The following PIGF variants were observed in gnomAD, a reference collection of about 807,000 sequenced individuals.
PIGF encodes the protein GPI ethanolamine phosphate transferase, stabilizing subunit.
Under a neutral mutation model 26.0 loss-of-function variants are expected in PIGF, and 23 were observed. The observed-to-expected ratio is 0.88, with a 90% CI of 0.64 to 1.25. The LOEUF is 1.25. Among genes scored for constraint, PIGF ranks in the 50% most tolerant of loss-of-function variants. PIGF has a pLI of 0.00. For synonymous variants in PIGF, 93 were observed against 92.6 expected, an observed-to-expected ratio of 1.00 and a Z score of -0.03; for missense variants, 278 against 249.9, an observed-to-expected ratio of 1.11 and a Z score of -0.76.
chr2:46,609,207 C>A (rs548243408), intron 4 of PIGF, among the ~76,000 whole-genome samples: 1 of 152,222 alleles, frequency 6.6e-6, no homozygotes, highest in Non-Finnish European at 1.5e-5. Flanking sequence ...TATGTGATGG[C>A]GATGGCCTCT....
intron 5 of PIGF, chr2:46,591,691 TATTAAG>T (rs1188809157): frequency 9.4e-7 from 1 of 1,064,812 alleles, no homozygotes; most frequent in Non-Finnish European, 1.2e-6. Flanking sequence ...AAGTCATTAA[TATTAAG>T]ATAAAGATAC....
chr2:46,596,294 T>A (rs368197118), intron 4 of PIGF, among the ~76,000 whole-genome samples: 7 of 151,902 alleles, frequency 4.6e-5, no homozygotes, highest in African/African-American at 1.7e-4. Context: ...GCAAAATCCA[T>A]GCCTTCACAT....
chr2:46,609,302 G>A (rs924912281), intron 4 of PIGF, among the ~76,000 whole-genome samples: 2 of 152,206 alleles, frequency 1.3e-5, no homozygotes, highest in African/African-American at 4.8e-5. Flanking sequence ...TCACAGAAAT[G>A]AAGAGAGTGA....
intron 1 of PIGF, chr2:46,616,556 C>A (rs777167793): frequency 2.0e-5 from 3 of 153,314 alleles, no homozygotes; most frequent in Non-Finnish European, 4.4e-5. Flanking sequence ...AGAAGTGCCA[C>A]GGGCATGACC....
chr2:46,581,863 A>G (rs1185450707), intron 5 of PIGF: 3 of 295,748 alleles, frequency 1.0e-5, no homozygotes, highest in Non-Finnish European at 1.9e-5. Flanking sequence ...TACAAATTAA[A>G]ATTTTGGGTC....
intron 4 of PIGF, among the ~76,000 whole-genome samples, chr2:46,598,204 C>A (rs1238039635): frequency 2.0e-5 from 3 of 151,578 alleles, no homozygotes; most frequent in East Asian, 1.9e-4. Flanking sequence ...TCCTGTTCAC[C>A]TTTTATGGTA....
chr2:46,595,894 G>C (rs963006690), intron 4 of PIGF, among the ~76,000 whole-genome samples: 2 of 152,040 alleles, frequency 1.3e-5, no homozygotes, highest in African/African-American at 4.8e-5. Context: ...TTCAATCAAC[G>C]CAACTTTACG....
At chr2:46,591,980 T>G in intron 5 of PIGF, 2 of 1,300,074 alleles carry the variant, frequency 1.5e-6, no homozygotes, top group Non-Finnish European at 2.0e-6. Flanking sequence ...TCAGAAAATA[T>G]GAATATAAGA....
At chr2:46,605,024 T>C (rs1457390293) in intron 4 of PIGF, among the ~76,000 whole-genome samples, 1 of 151,998 alleles carries the variant, frequency 6.6e-6, no homozygotes, top group Non-Finnish European at 1.5e-5. Flanking sequence ...AAAATAAAGT[T>C]GTGATTCAAT....
chr2:46,602,532 C>T (rs1015668633), intron 4 of PIGF, among the ~76,000 whole-genome samples: 1 of 151,666 alleles, frequency 6.6e-6, no homozygotes, highest in Non-Finnish European at 1.5e-5. Flanking sequence ...CACTGAACAT[C>T]TGAATTATTC....
chr2:46,617,007 C>T lies in PIGF; in HGVS notation c.-59G>A. On this transcript the variant is annotated 5_prime_UTR_variant, in exon 1 of 6. Transcript: ENST00000281382. ...CCCGCGGAAGGGAAGCGGGGAACTA[C>T]TGCCTCCTACCATCAGGTACGACGG... The T allele has an allele frequency of 1.8e-6, 1 of 569,940 alleles. No homozygotes were observed. Among genetic ancestry groups the T allele is most frequent in the Non-Finnish European group, 3.1e-6 (1 of 320,572 alleles). The allele number at this position is 569,940 out of a possible 1,614,324, so 35.3% of individuals were successfully genotyped here.
At chr2:46,609,265 C>T (rs1227657354) in intron 4 of PIGF, among the ~76,000 whole-genome samples, 16 of 152,236 alleles carry the variant, frequency 1.1e-4, no homozygotes, top group Admixed American at 1.0e-3. Context: ...AACTTTTCTT[C>T]TGTAACTTTC....
In PIGF at chr2:46,586,102, T is replaced by C. The variant is rs1669564638; in HGVS notation, c.547-4511A>G. 1.3e-5 allele frequency among the ~76,000 whole-genome samples: 2 copies of C among 152,200 alleles called. 1 individual carries two copies. The highest frequency in any genetic ancestry group is 4.1e-4 in the South Asian group (2 of 4,832). Reference sequence around the variant, plus strand: ...AAGCAATCATCTTTAATACATGCTGTTCTTCATGTGAAATGTCTGTTACAA... The same window carrying C: ...AAGCAATCATCTTTAATACATGCTGCTCTTCATGTGAAATGTCTGTTACAA... On this transcript the variant is annotated intron_variant, in intron 5 of 5. Coordinates refer to ENST00000281382, the MANE Select transcript of PIGF (RefSeq NM_002643.4).
chr2:46,596,730 GAGA>G (rs1162759016), intron 4 of PIGF, among the ~76,000 whole-genome samples: 1 of 151,338 alleles, frequency 6.6e-6, no homozygotes, highest in Non-Finnish European at 1.5e-5. Context: ...TCTTCTAAGG[GAGA>G]AGATTTAGCA....
chr2:46,604,422 C>A (rs541699956), intron 4 of PIGF, among the ~76,000 whole-genome samples: 1 of 151,954 alleles, frequency 6.6e-6, no homozygotes, highest in South Asian at 2.1e-4. Flanking sequence ...TATTGCATCA[C>A]TAATCACAAT....
At chr2:46,606,047 G>A (rs1670211952) in intron 4 of PIGF, among the ~76,000 whole-genome samples, 1 of 152,156 alleles carries the variant, frequency 6.6e-6, no homozygotes, top group Admixed American at 6.6e-5. Context: ...GCAGTCTACT[G>A]AAGTTTAGGT....
intron 5 of PIGF, among the ~76,000 whole-genome samples, chr2:46,587,081 C>T (rs1000589820): frequency 1.3e-5 from 2 of 152,222 alleles, no homozygotes; most frequent in Non-Finnish European, 2.9e-5. Context: ...GATTACCCTA[C>T]GATGAACACG....
At chr2:46,610,034 G>A (rs1343034039) in intron 4 of PIGF, among the ~76,000 whole-genome samples, 1 of 152,166 alleles carries the variant, frequency 6.6e-6, no homozygotes, top group African/African-American at 2.4e-5. Context: ...ACAATAAAGT[G>A]AGGAACAATA....
At chr2:46,584,845 A>T (rs1296713864) in intron 5 of PIGF, among the ~76,000 whole-genome samples, 1 of 152,236 alleles carries the variant, frequency 6.6e-6, no homozygotes, top group Non-Finnish European at 1.5e-5. Flanking sequence ...AATAGGGAAC[A>T]GCAAAAGGAG....
Sources: allele counts gnomAD v4.1 joint callset (sites outside exome capture counted in the v4.1 genomes callset), GRCh38; gene constraint gnomAD v4.1.1; transcripts MANE v1.5; gene names NCBI Gene and HGNC (gene_info 2026-07-23, HGNC 2026-07-21).